The following CAMTA1 variants were observed in gnomAD, a reference collection of about 807,000 sequenced individuals.
CAMTA1 encodes calmodulin binding transcription activator 1.
A neutral mutation model predicts 170.9 loss-of-function variants in CAMTA1; 27 were observed. The observed-to-expected ratio is 0.16, with a 90% CI of 0.12 to 0.22. CAMTA1 has a LOEUF of 0.22. Ranked by LOEUF, CAMTA1 falls within the 10% of genes least tolerant of loss-of-function variation. The pLI is 1.00. For synonymous variants in CAMTA1, 833 were observed against 891.5 expected (o/e 0.93, Z 1.17); for missense variants, 1,619 against 2,217.2 (o/e 0.73, Z 5.42).
intron 6 of CAMTA1, among the ~76,000 whole-genome samples, chr1:7,600,634 C>T (rs568373972): frequency 1.3e-5 from 2 of 151,906 alleles, no homozygotes; most frequent in South Asian, 2.1e-4. Context: ...CTGCGGCCTT[C>T]CAAAGTGTTT....
At chr1:7,630,661 C>T (rs1207842280) in intron 6 of CAMTA1, among the ~76,000 whole-genome samples, 3 of 152,250 alleles carry the variant, frequency 2.0e-5, no homozygotes, top group Non-Finnish European at 2.9e-5. Flanking sequence ...TGCTGGCGCA[C>T]AGGCTTGCGT....
intron 6 of CAMTA1, among the ~76,000 whole-genome samples, chr1:7,571,564 C>T (rs555073232): frequency 6.6e-6 from 1 of 152,256 alleles, no homozygotes; most frequent in South Asian, 2.1e-4. Flanking sequence ...TTTTAGCTCC[C>T]AATTATAAGT....
chr1:6,831,696 A>G (rs966448694), intron 3 of CAMTA1, among the ~76,000 whole-genome samples: 2 of 152,172 alleles, frequency 1.3e-5, no homozygotes, highest in Non-Finnish European at 2.9e-5. Flanking sequence ...TTTTTCCTGT[A>G]ATACACAGTT....
intron 5 of CAMTA1, among the ~76,000 whole-genome samples, chr1:7,354,678 C>A (rs903355020): frequency 6.6e-6 from 1 of 152,208 alleles, no homozygotes; most frequent in African/African-American, 2.4e-5. Flanking sequence ...TTTACATTCC[C>A]ACCTGCAATG....
chr1:7,640,611 A>G (rs1294449406), intron 7 of CAMTA1, 58 bp downstream of exon 7: 2 of 1,604,806 alleles, frequency 1.2e-6, no homozygotes, highest in East Asian at 4.5e-5. Flanking sequence ...GGCATCAACC[A>G]GGCGGGGCCA....
chr1:7,744,711 T>C, intron 16 of CAMTA1, 124 bp from the exon 17 acceptor site: 1 of 710,298 alleles, frequency 1.4e-6, no homozygotes, highest in Non-Finnish European at 2.4e-6. Context: ...TGCATTGGAT[T>C]GAGGTGGAAG....
intron 3 of CAMTA1, among the ~76,000 whole-genome samples, chr1:6,910,668 T>A (rs1214364908): frequency 6.6e-6 from 1 of 152,238 alleles, no homozygotes; most frequent in African/African-American, 2.4e-5. Flanking sequence ...CAGTCCATCT[T>A]GTGCCTTTTC....
intron 11 of CAMTA1, among the ~76,000 whole-genome samples, chr1:7,731,069 A>G (rs981365660): frequency 2.0e-5 from 3 of 152,138 alleles, no homozygotes; most frequent in Non-Finnish European, 2.9e-5. Context: ...AGGTGACCCA[A>G]TTCTAACATG....
chr1:7,601,310 G>A (rs1489736510), intron 6 of CAMTA1, among the ~76,000 whole-genome samples: 3 of 151,662 alleles, frequency 2.0e-5, no homozygotes, highest in Admixed American at 6.6e-5. Context: ...CAGACGGTGC[G>A]GCCGGGCAGA....
rs562757743 is a variant in CAMTA1, at chr1:7,758,408, A to T, written c.4989+2740A>T. Reference sequence around the variant, plus strand: ...CACGACATCTATGCAAGTTTGAGAGATAGGGGCTGAGAAGGTTCCTTCTAT... The same window carrying T: ...CACGACATCTATGCAAGTTTGAGAGTTAGGGGCTGAGAAGGTTCCTTCTAT... On this transcript the variant is annotated intron_variant, in intron 22 of 22. Transcript: ENST00000303635. Among the ~76,000 whole-genome samples, 3 of 152,302 alleles carry T rather than the reference A, an allele frequency of 2.0e-5. No homozygotes were observed. The East Asian group carries it at 5.8e-4, about 29-fold the overall frequency.
At chr1:6,891,312 G>C (rs1266941545) in intron 3 of CAMTA1, among the ~76,000 whole-genome samples, 1 of 152,170 alleles carries the variant, frequency 6.6e-6, no homozygotes, top group Non-Finnish European at 1.5e-5. Flanking sequence ...TATAATCTCT[G>C]TGAACTTGGA....
intron 1 of CAMTA1, among the ~76,000 whole-genome samples, chr1:6,805,621 T>C (rs1239133024): frequency 6.6e-6 from 1 of 152,188 alleles, no homozygotes; most frequent in African/African-American, 2.4e-5. Context: ...TCCTCCCACC[T>C]TAGTCTCCTG....
At position 7,684,185 on chromosome 1, in the gene CAMTA1, C is replaced by T. The variant is rs1296294697; in HGVS notation, c.2914+6452C>T. ...AAGGCCGAGGGGCAGCCTTTGCCAC[C>T]CTGTCCTGGCCGTTGGGGCAGGAAG... On this transcript the variant is annotated intron_variant, in intron 11 of 22. Transcript: ENST00000303635. 2.0e-5 allele frequency among the ~76,000 whole-genome samples: 3 copies of T among 152,318 alleles called. No individual in the cohort carries two copies. The East Asian group carries it at 5.8e-4, about 29-fold the overall frequency.
intron 3 of CAMTA1, among the ~76,000 whole-genome samples, chr1:7,002,037 C>T (rs1015108496): frequency 6.6e-6 from 1 of 151,946 alleles, no homozygotes; most frequent in Non-Finnish European, 1.5e-5. Context: ...GCTGAGATTA[C>T]AGGCGCCTAC....
intron 6 of CAMTA1, among the ~76,000 whole-genome samples, chr1:7,556,053 G>A (rs2094872609): frequency 6.6e-6 from 1 of 152,222 alleles, no homozygotes; most frequent in East Asian, 1.9e-4. Flanking sequence ...CCATCAAGAG[G>A]CAGAGGGAGC....
chr1:6,800,407 AAAAC>A (rs1013303066), intron 1 of CAMTA1, among the ~76,000 whole-genome samples: 4 of 152,178 alleles, frequency 2.6e-5, no homozygotes, highest in African/African-American at 9.7e-5. Flanking sequence ...ATCCTGTCTC[AAAAC>A]AAACAAAATG....
At chr1:7,197,351 C>T (rs1017767825) in intron 4 of CAMTA1, among the ~76,000 whole-genome samples, 1 of 152,074 alleles carries the variant, frequency 6.6e-6, no homozygotes, top group Non-Finnish European at 1.5e-5. Context: ...GCTCATTGTC[C>T]CGAATGAGCA....
Position 7,601,952 on chromosome 1 carries a change from CGTGGGGAGAGGGAGACT to C in CAMTA1, c.511-38431_511-38415del, listed in dbSNP as rs1236564248. On this transcript the variant is annotated intron_variant, in intron 6 of 22. Coordinates refer to ENST00000303635, the MANE Select transcript of CAMTA1 (RefSeq NM_015215.4). ...CGTGGAAAGAGAGGGAGAGGGAGAC[CGTGGGGAGAGGGAGACT>C]GTGGGGAGAGGGAGACCGTGGGGAG... is the stretch of plus-strand genomic sequence containing the variant. Among the ~76,000 whole-genome samples the C allele has an allele frequency of 7.9e-3, 1,063 of 135,098 alleles. 9 individuals carry two copies. Among genetic ancestry groups the C allele is most frequent in the Admixed American group, 9.2e-3 (126 of 13,710 alleles). 88.6% of individuals were successfully genotyped at this position (135,098 alleles called of 152,430 possible). A position where few individuals can be genotyped will look rare whatever the true frequency, so the allele number is the denominator to read the frequency against.
At chr1:7,276,293 A>C (rs1387115257) in intron 5 of CAMTA1, among the ~76,000 whole-genome samples, 1 of 22,058 alleles carries the variant, frequency 4.5e-5, no homozygotes. Context: ...ATATATATAT[A>C]TATATATATA....
Sources: gnomAD v4.1 joint callset for allele counts (sites outside exome capture counted in the v4.1 genomes callset) on GRCh38, gnomAD v4.1.1 for gene constraint, MANE v1.5 for transcripts, NCBI Gene and HGNC (gene_info 2026-07-23, HGNC 2026-07-21) for gene names.